The following GMEB1 variants were observed in gnomAD, a reference collection of about 807,000 sequenced individuals.
GMEB1 encodes glucocorticoid modulatory element binding protein 1.
GMEB1 carries 6 observed loss-of-function variants against 52.4 expected under a neutral mutation model. The observed-to-expected ratio is 0.11, with a 90% CI of 0.06 to 0.23. The LOEUF (loss-of-function observed/expected upper bound fraction) is 0.23. Among genes scored for constraint, GMEB1 ranks in the 10% least tolerant of loss-of-function variants. GMEB1 has a pLI of 1.00. For missense variants in GMEB1, 486 were observed against 685.6 expected, an observed-to-expected ratio of 0.71 and a Z score of 3.25; for synonymous variants, 255 against 244.9, an observed-to-expected ratio of 1.04 and a Z score of -0.38.
intron 2 of GMEB1, among the ~76,000 whole-genome samples, chr1:28,685,431 A>C (rs1669594932): frequency 6.6e-6 from 1 of 152,144 alleles, no homozygotes; most frequent in South Asian, 2.1e-4. Context: ...ACTGCACTGC[A>C]GCAGTAGGTG....
chr1:28,672,243 C>T (rs867220990), intron 1 of GMEB1, among the ~76,000 whole-genome samples: 1 of 123,738 alleles, frequency 8.1e-6, no homozygotes, highest in South Asian at 2.5e-4. Context: ...ATTTTTGAGA[C>T]GGAGTCTCAC....
intron 8 of GMEB1, among the ~76,000 whole-genome samples, chr1:28,707,770 G>A (rs1197979493): frequency 6.6e-6 from 1 of 152,200 alleles, no homozygotes; most frequent in Non-Finnish European, 1.5e-5. Flanking sequence ...GGTCAGGGCT[G>A]GAGATGTACA....
chr1:28,717,648 A>G lies in GMEB1; in HGVS notation c.*2875A>G, dbSNP rs1185903928. The G allele has an allele frequency of 6.6e-6, 1 of 152,216 alleles. No homozygotes were observed. Among genetic ancestry groups the G allele is most frequent in the African/African-American group, 2.4e-5 (1 of 41,460 alleles). The allele number at this position is 152,216 out of a possible 1,614,324, so 9.4% of individuals were successfully genotyped here. On this transcript the variant is annotated 3_prime_UTR_variant, in exon 10 of 10. Coordinates refer to ENST00000373816, the MANE Select transcript of GMEB1 (RefSeq NM_001319674.2). ...GCCCTTAATATATCTTTAGTGAGGG[A>G]AGTAGCTTTTATTTCCTGCTTGTTT...
chr1:28,704,250 C>G lies in GMEB1; in HGVS notation c.789C>G (p.Val263=), dbSNP rs775993756. 2.7e-5 allele frequency: 43 copies of G among 1,613,346 alleles called. No individual in the cohort carries two copies. The highest frequency in any genetic ancestry group is 3.3e-5 in the Non-Finnish European group (39 of 1,179,686). The change falls in exon 8 of 10, where the codon GTC becomes GTG. Residue 263 remains valine, a synonymous_variant. Coordinates refer to ENST00000373816, the MANE Select transcript of GMEB1 (RefSeq NM_001319674.2). ...IADVGLMEEV[V]CNIQKEIEEL... ...ATGTAGGGCTGATGGAAGAGGTTGT[C>G]TGCAATATACAGAAGGAAATAGAGG...
chr1:28,704,380 C>A, intron 8 of GMEB1, 51 bp downstream of exon 8: 1 of 1,515,248 alleles, frequency 6.6e-7, no homozygotes, highest in Non-Finnish European at 9.0e-7. Context: ...TACTCACCTC[C>A]GTAGGCAGGT....
intron 1 of GMEB1, among the ~76,000 whole-genome samples, chr1:28,675,121 C>T (rs1200644099): frequency 8.6e-5 from 13 of 150,488 alleles, no homozygotes; most frequent in Non-Finnish European, 1.0e-4. Context: ...GGGTTCACGC[C>T]ATTCTCCTGC....
chr1:28,703,224 T>A (rs780089276), intron 7 of GMEB1, among the ~76,000 whole-genome samples: 168 of 152,252 alleles, frequency 1.1e-3, no homozygotes, highest in Non-Finnish European at 2.1e-3. Flanking sequence ...AGGTGGCAAG[T>A]GTTGTAGAGC....
chr1:28,706,017 G>A (rs1487447699), intron 8 of GMEB1, among the ~76,000 whole-genome samples: 10 of 151,794 alleles, frequency 6.6e-5, no homozygotes, highest in East Asian at 6.0e-4. Context: ...AGCCGGGCGC[G>A]GTGGCGGACG....
At chr1:28,690,965 A>T (rs1669936855) in intron 3 of GMEB1, among the ~76,000 whole-genome samples, 1 of 149,382 alleles carries the variant, frequency 6.7e-6, no homozygotes, top group African/African-American at 2.5e-5. Context: ...GGGCAACAAG[A>T]GCGAGACATC....
In GMEB1 at chr1:28,690,162, A is replaced by G. The variant is rs764560929; in HGVS notation, c.187A>G (p.Ile63Val). The G allele has an allele frequency of 9.1e-6, 14 of 1,543,154 alleles. No homozygotes were observed. The highest frequency in any genetic ancestry group is 1.2e-5 in the Non-Finnish European group (14 of 1,127,592). ...TAVVAVETHT[I>V]HKIEEGIDTG... ...AGTTGTAGCAGTAGAAACTCACACG[A>G]TACACAAAATTGAAGAAGGGATTGG... The change falls in exon 3 of 10, where the codon ATA becomes GTA. Residue 63 changes from isoleucine to valine, a missense_variant. Ile to Val is a conservative substitution (Grantham distance 29, BLOSUM62 3). Transcript: ENST00000373816.
At position 28,691,609 on chromosome 1, in the gene GMEB1, A is replaced by G; in HGVS notation, c.236A>G (p.Glu79Gly). Reference sequence around the variant, plus strand: ...GATACAGGCACTATAGAAGCAAATGAGGATATGGAAATTGCTTACCCCATA... The same window carrying G: ...GATACAGGCACTATAGAAGCAAATGGGGATATGGAAATTGCTTACCCCATA... ...GIDTGTIEANEDMEIAYPITC... is the reference protein window; with the variant it reads ...GIDTGTIEANGDMEIAYPITC... The change falls in exon 4 of 10, where the codon GAG (glutamate) becomes GGG (glycine). Residue 79 changes from glutamate (E) to glycine (G), a missense_variant. By Grantham distance (98) the Glu-to-Gly change is moderately conservative. Transcript: ENST00000373816. The G allele has an allele frequency of 6.4e-7, 1 of 1,564,650 alleles. No individual in the cohort carries two copies. Among genetic ancestry groups the G allele is most frequent in the Admixed American group, 1.7e-5 (1 of 58,210 alleles).
chr1:28,700,438 C>A (rs915657135), intron 6 of GMEB1, among the ~76,000 whole-genome samples: 1 of 147,296 alleles, frequency 6.8e-6, no homozygotes, highest in African/African-American at 2.5e-5. Context: ...GGCGTGAACT[C>A]GGGAGGTGGA....
intron 1 of GMEB1, among the ~76,000 whole-genome samples, chr1:28,671,172 G>A (rs1218123792): frequency 1.3e-5 from 2 of 152,188 alleles, no homozygotes; most frequent in Non-Finnish European, 1.5e-5. Flanking sequence ...AAATAAAGGG[G>A]ATATCAAGGA....
chr1:28,690,209 T>TG (rs1553136978), intron 3 of GMEB1, 23 bp downstream of exon 3: 2 of 1,053,462 alleles, frequency 1.9e-6, no homozygotes, highest in Admixed American at 2.4e-5. Context: ...TTGTGTTTTT[T>TG]TTTTTTTTTT....
In GMEB1 at chr1:28,681,753, A is replaced by G. The variant is rs1669398372; in HGVS notation, c.-30-1830A>G. Among the ~76,000 whole-genome samples the G allele has an allele frequency of 3.3e-5, 5 of 151,802 alleles. No homozygotes were observed. The South Asian group carries it at 1.0e-3, about 32-fold the overall frequency. ...GTTTCGCTCTTGTTGCCCAGGCTGG[A>G]GTGCAATGGCATGATCTCGGCTCAC... On this transcript the variant is annotated intron_variant, in intron 1 of 9. Transcript: ENST00000373816.
Position 28,701,268 on chromosome 1 carries a change from C to CTTT in GMEB1, c.599-1155_599-1153dup, listed in dbSNP as rs67909525. Among the ~76,000 whole-genome samples the CTTT allele has an allele frequency of 1.8e-3, 197 of 109,816 alleles. 1 individual carries two copies. Among genetic ancestry groups the CTTT allele is most frequent in the Middle Eastern group, 4.9e-3 (1 of 204 alleles). The allele number at this position is 109,816 out of a possible 152,430, so 72.0% of individuals were successfully genotyped here. On this transcript the variant is annotated intron_variant, in intron 6 of 9. Coordinates refer to ENST00000373816, the MANE Select transcript of GMEB1 (RefSeq NM_001319674.2). ...TTGATTCTCTTTGTTTAAAAGCTGT[C>CTTT]TTTTTTTTTTTTTTTTTGAGATGAT...
chr1:28,694,862 C>T (rs1293092854), intron 5 of GMEB1, among the ~76,000 whole-genome samples: 2 of 151,242 alleles, frequency 1.3e-5, no homozygotes, highest in African/African-American at 4.9e-5. Flanking sequence ...CAGGGTTTCA[C>T]CATATTGGTC....
intron 1 of GMEB1, among the ~76,000 whole-genome samples, chr1:28,678,924 T>G (rs186532431): frequency 1.3e-3 from 193 of 152,030 alleles, no homozygotes; most frequent in Non-Finnish European, 2.4e-3. Flanking sequence ...TTTGTTTTGT[T>G]TTTTTGAGAC....
intron 3 of GMEB1, among the ~76,000 whole-genome samples, 164 bp from the exon 4 acceptor site, chr1:28,691,421 G>C: frequency 6.6e-6 from 1 of 152,184 alleles, no homozygotes; most frequent in Non-Finnish European, 1.5e-5. Flanking sequence ...GTGAGAGCTT[G>C]GGAAGAGATA....
Sources: gnomAD v4.1 joint callset for allele counts (sites outside exome capture counted in the v4.1 genomes callset) on GRCh38, gnomAD v4.1.1 for gene constraint, MANE v1.5 for transcripts, NCBI Gene and HGNC (gene_info 2026-07-23, HGNC 2026-07-21) for gene names.